PRSS35: variants seen among roughly 807,000 people sequenced by gnomAD.
PRSS35 encodes the protein serine protease 35.
In PRSS35, 7 loss-of-function variants were observed where a neutral mutation model predicts 8.1. The observed-to-expected ratio is 0.86, with a 90% CI of 0.49 to 1.62. The LOEUF is 1.62. PRSS35 is among the 40% of genes most tolerant of loss of function. PRSS35 has a pLI of 0.00. For missense variants in PRSS35, 566 were observed against 518.0 expected (o/e 1.09, Z -0.90); for synonymous variants, 199 against 188.7 (o/e 1.05, Z -0.45).
chr6:83,519,004 G>C (rs1218186814), intron 1 of PRSS35, among the ~76,000 whole-genome samples: 1 of 152,096 alleles, frequency 6.6e-6, no homozygotes, highest in Non-Finnish European at 1.5e-5. Flanking sequence ...CCACTCCTTG[G>C]TCTGCACTCA....
In PRSS35 at chr6:83,524,158, T is replaced by C. The variant is rs767964525; in HGVS notation, c.717T>C (p.Gly239=). 6.2e-7 allele frequency: 1 copy of C among 1,613,874 alleles called. No individual in the cohort carries two copies. The highest frequency in any genetic ancestry group is 8.5e-7 in the Non-Finnish European group (1 of 1,179,962). Reference sequence around the variant, plus strand: ...GAAGAAGAAAAAAATCTGGCCGGGGTCAGAGGATTGCCGAAGGGAGGCCTT... The same window carrying C: ...GAAGAAGAAAAAAATCTGGCCGGGGCCAGAGGATTGCCGAAGGGAGGCCTT... ...GGRRRKKSGR[G]QRIAEGRPSF... is the part of the protein sequence containing the mutation. Residue 239 remains glycine (G), a synonymous_variant, in exon 2 of 2, where the codon GGT becomes GGC. Transcript: ENST00000369700.
intron 1 of PRSS35, among the ~76,000 whole-genome samples, chr6:83,513,806 C>T (rs1771666166): frequency 1.3e-5 from 2 of 152,278 alleles, no homozygotes; most frequent in South Asian, 4.1e-4. Flanking sequence ...TTAGCATATA[C>T]TTGGCATACA....
intron 1 of PRSS35, among the ~76,000 whole-genome samples, chr6:83,519,850 A>G (rs1192576793): frequency 6.6e-6 from 1 of 152,210 alleles, no homozygotes; most frequent in Non-Finnish European, 1.5e-5. Context: ...AACCAATGCC[A>G]TTGAATGATC....
chr6:83,524,757 C>A lies in PRSS35; in HGVS notation c.*74C>A. The A allele has an allele frequency of 7.1e-7, 1 of 1,406,660 alleles. No individual in the cohort carries two copies. Among genetic ancestry groups the A allele is most frequent in the Non-Finnish European group, 9.6e-7 (1 of 1,044,582 alleles). The allele number at this position is 1,406,660 out of a possible 1,614,324, so 87.1% of individuals were successfully genotyped here. On this transcript the variant is annotated 3_prime_UTR_variant, in exon 2 of 2. Transcript: ENST00000369700. ...AGCTCTGCTTACCGTAGTGAGATCA[C>A]TTCATAGGTTATGCCTGGACTTGAA...
At chr6:83,518,222 A>T (rs1034387439) in intron 1 of PRSS35, among the ~76,000 whole-genome samples, 1 of 152,208 alleles carries the variant, frequency 6.6e-6, no homozygotes, top group African/African-American at 2.4e-5. Context: ...TAGGGTAAAA[A>T]ACAAAACACA....
chr6:83,521,945 T>C (rs1241902121), intron 1 of PRSS35, among the ~76,000 whole-genome samples: 1 of 152,200 alleles, frequency 6.6e-6, no homozygotes, highest in Non-Finnish European at 1.5e-5. Flanking sequence ...AATTATTGTA[T>C]TTGTATATGG....
Position 83,524,276 on chromosome 6 carries a change from C to T in PRSS35, c.835C>T (p.Leu279Phe), listed in dbSNP as rs781061002. The T allele has an allele frequency of 1.9e-6, 3 of 1,614,030 alleles. No homozygotes were observed. Among genetic ancestry groups the T allele is most frequent in the Non-Finnish European group, 2.5e-6 (3 of 1,180,038 alleles). The stretch of plus-strand genomic sequence containing the variant: ...CGCTACCTTGGACTATGACTATGCT[C>T]TTCTGGAGCTGAAGCGTGCTCACAA... ...GDATLDYDYA[L>F]LELKRAHKKK... Residue 279 changes from leucine (L) to phenylalanine (F), a missense_variant, in exon 2 of 2, where the codon CTT (leucine) becomes TTT (phenylalanine). Leu to Phe is a conservative substitution (Grantham distance 22). Transcript: ENST00000369700.
chr6:83,516,775 T>C (rs1366793243), intron 1 of PRSS35, among the ~76,000 whole-genome samples: 2 of 152,130 alleles, frequency 1.3e-5, no homozygotes, highest in African/African-American at 2.4e-5. Flanking sequence ...GATCCTGCAT[T>C]GCTCTGGCCT....
At chr6:83,517,970 A>C (rs963888792) in intron 1 of PRSS35, among the ~76,000 whole-genome samples, 2 of 152,236 alleles carry the variant, frequency 1.3e-5, no homozygotes, top group African/African-American at 4.8e-5. Flanking sequence ...TGCTATGTAC[A>C]TAAATATGGA....
chr6:83,522,394 C>CAG (rs1562034611), intron 1 of PRSS35, among the ~76,000 whole-genome samples: 1 of 151,914 alleles, frequency 6.6e-6, no homozygotes, highest in Non-Finnish European at 1.5e-5. Context: ...GCCAGTGAGC[C>CAG]TCAAGAAAAG....
chr6:83,524,147 T>G lies in PRSS35; in HGVS notation c.706T>G (p.Ser236Ala). 1 of 1,613,798 alleles carries G rather than the reference T, an allele frequency of 6.2e-7. No individual in the cohort carries two copies. ...RAKGGRRRKKSGRGQRIAEGR... is the reference protein window; with the variant it reads ...RAKGGRRRKKAGRGQRIAEGR... ...GAAGGGTGGGAGAAGAAGAAAAAAA[T>G]CTGGCCGGGGTCAGAGGATTGCCGA... is the stretch of plus-strand genomic sequence containing the variant. Residue 236 changes from serine (S) to alanine (A), a missense_variant, in exon 2 of 2, where the codon TCT (serine) becomes GCT (alanine). Ser to Ala is a moderately conservative substitution (Grantham distance 99). Transcript: ENST00000369700.
At chr6:83,519,278 T>A (rs1477967204) in intron 1 of PRSS35, among the ~76,000 whole-genome samples, 3 of 152,200 alleles carry the variant, frequency 2.0e-5, no homozygotes, top group Non-Finnish European at 1.5e-5. Flanking sequence ...TAATCAGCTG[T>A]GTGTATGCTG....
At chr6:83,513,458 C>T (rs1215939142) in intron 1 of PRSS35, among the ~76,000 whole-genome samples, 5 of 152,208 alleles carry the variant, frequency 3.3e-5, no homozygotes, top group Non-Finnish European at 7.3e-5. Context: ...CCCTTATTAA[C>T]CCTTCTGACT....
intron 1 of PRSS35, among the ~76,000 whole-genome samples, chr6:83,521,090 A>G (rs1043900319): frequency 6.6e-6 from 1 of 152,204 alleles, no homozygotes; most frequent in Non-Finnish European, 1.5e-5. Flanking sequence ...TCCCACACCA[A>G]AACAACTCCC....
intron 1 of PRSS35, among the ~76,000 whole-genome samples, chr6:83,516,416 T>C (rs976362999): frequency 9.9e-5 from 15 of 150,922 alleles, no homozygotes; most frequent in Non-Finnish European, 2.1e-4. Context: ...CTACTAAAAA[T>C]ACAAAAAAAA....
chr6:83,524,642 C>G lies in PRSS35; in HGVS notation c.1201C>G (p.Leu401Val). ...TCCCCTAAAATACGCCCAGATTTGC[C>G]TCTGGATTCACGGGAACGATGCCAA... Reference protein sequence around the residue: ...ITPLKYAQICLWIHGNDANCA... With the variant: ...ITPLKYAQICVWIHGNDANCA... Residue 401 changes from leucine (L) to valine (V), a missense_variant, in exon 2 of 2, where the codon CTC (leucine) becomes GTC (valine). Physicochemically the swap from Leu to Val is conservative, Grantham distance 32. Transcript: ENST00000369700. The G allele has an allele frequency of 6.2e-7, 1 of 1,613,362 alleles. No individual in the cohort carries two copies. Among genetic ancestry groups the G allele is most frequent in the Non-Finnish European group, 8.5e-7 (1 of 1,179,716 alleles).
intron 1 of PRSS35, among the ~76,000 whole-genome samples, chr6:83,515,714 T>G (rs1432016744): frequency 6.6e-6 from 1 of 152,200 alleles, no homozygotes; most frequent in East Asian, 1.9e-4. Context: ...ACTCCTGGAC[T>G]CAAGTGATCC....
chr6:83,518,679 T>C (rs1771767199), intron 1 of PRSS35, among the ~76,000 whole-genome samples: 1 of 152,216 alleles, frequency 6.6e-6, no homozygotes, highest in South Asian at 2.1e-4. Flanking sequence ...ACTGTAAAAC[T>C]GACTTTTTAG....
At chr6:83,521,459 G>A (rs1771819605) in intron 1 of PRSS35, among the ~76,000 whole-genome samples, 1 of 151,516 alleles carries the variant, frequency 6.6e-6, no homozygotes, top group Non-Finnish European at 1.5e-5. Context: ...TGACGTAAAT[G>A]CAGATTTCCT....
Sources: allele counts gnomAD v4.1 joint callset (sites outside exome capture counted in the v4.1 genomes callset), GRCh38; gene constraint gnomAD v4.1.1; transcripts MANE v1.5; gene names NCBI Gene and HGNC (gene_info 2026-07-23, HGNC 2026-07-21).